Variants in P2RY6 observed in about 807,000 individuals in gnomAD.
P2RY6 encodes pyrimidinergic receptor P2Y6.
In P2RY6, 19 loss-of-function variants were observed where a neutral mutation model predicts 16.3. That is an observed-to-expected ratio of 1.16 (90% CI 0.81 to 1.71). The LOEUF is 1.71. Ranked by LOEUF, P2RY6 falls within the 40% of genes most tolerant of loss-of-function variation. The pLI is 0.00. For synonymous variants in P2RY6, 184 were observed against 201.5 expected, an observed-to-expected ratio of 0.91 and a Z score of 0.74; for missense variants, 389 against 455.5, an observed-to-expected ratio of 0.85 and a Z score of 1.33.
At chr11:73,275,480 G>A (rs1863499857) in intron 1 of P2RY6, among the ~76,000 whole-genome samples, 1 of 152,238 alleles carries the variant, frequency 6.6e-6, no homozygotes, top group African/African-American at 2.4e-5. Flanking sequence ...CATTGTCTAA[G>A]GGAGGAGAAA....
In P2RY6 at chr11:73,286,316, G is replaced by T. The variant is rs372759413; in HGVS notation, c.-120-9414G>T. The stretch of plus-strand genomic sequence containing the variant: ...GGGGCTGCCTTTCACGGGAGGGGAG[G>T]AGTTCCCTGAGGCTCCCCTTCCACA... On this transcript the variant is annotated intron_variant, in intron 1 of 2. Transcript: ENST00000540124. 3.9e-4 allele frequency among the ~76,000 whole-genome samples: 60 copies of T among 152,266 alleles called. 1 individual carries two copies. In the Middle Eastern group the frequency reaches 0.01, roughly 26 times the overall value.
chr11:73,280,913 AC>A (rs1863734171), intron 1 of P2RY6, among the ~76,000 whole-genome samples: 1 of 152,112 alleles, frequency 6.6e-6, no homozygotes, highest in South Asian at 2.1e-4. Flanking sequence ...ATGAAGTCAG[AC>A]TTTTGCTGAG....
rs1490625179 is a variant in P2RY6 at position 73,297,340 on chromosome 11, T to G, written c.822T>G (p.Thr274=). 124 of 1,612,230 alleles carry G rather than the reference T, an allele frequency of 7.7e-5. No homozygotes were observed. Among genetic ancestry groups the G allele is most frequent in the Admixed American group, 2.2e-4 (13 of 60,014 alleles). Residue 274 remains threonine (T), a synonymous_variant, in exon 3 of 3, where the codon ACT becomes ACG. Coordinates refer to ENST00000540124, the MANE Select transcript of P2RY6 (RefSeq NM_001277204.2). Reference sequence around the variant, plus strand: ...GCTCGACGCCGGGCGTCCCCTGCACTGTATTGGAGGCCTTTGCAGCGGCCT... The same window carrying G: ...GCTCGACGCCGGGCGTCCCCTGCACGGTATTGGAGGCCTTTGCAGCGGCCT... The part of the protein sequence containing the change: ...AVRSTPGVPC[T]VLEAFAAAYK...
upstream of P2RY6, among the ~76,000 whole-genome samples, chr11:73,269,250 C>T (rs1863206691): frequency 6.6e-6 from 1 of 152,144 alleles, no homozygotes; most frequent in Non-Finnish European, 1.5e-5. Context: ...GGGGTCAGTG[C>T]CCACAGGCAA....
In P2RY6 at chr11:73,280,992, A is replaced by G. The variant is rs986083148; in HGVS notation, c.-121+8526A>G. Among the ~76,000 whole-genome samples, 11 of 152,244 alleles carry G rather than the reference A, an allele frequency of 7.2e-5. No individual in the cohort carries two copies. The Middle Eastern group carries it at 0.014, about 188-fold the overall frequency. ...GAGATGGAAAACCAGAAAGCATGAG[A>G]AGGATGTGGTCTAGGTTGGGGGAGG... On this transcript the variant is annotated intron_variant, in intron 1 of 2. Transcript: ENST00000540124.
intron 1 of P2RY6, among the ~76,000 whole-genome samples, chr11:73,287,895 C>T (rs994913106): frequency 3.9e-5 from 6 of 152,348 alleles, no homozygotes; most frequent in Admixed American, 1.3e-4. Context: ...CTGGGCACCA[C>T]AGGCCGTCCC....
intron 1 of P2RY6, among the ~76,000 whole-genome samples, chr11:73,294,831 T>C (rs1443795430): frequency 9.2e-5 from 14 of 152,132 alleles, no homozygotes. Flanking sequence ...AACAATCTTA[T>C]AAGGCAGGTA....
At chr11:73,283,555 C>G (rs900304043) in intron 1 of P2RY6, among the ~76,000 whole-genome samples, 2 of 152,160 alleles carry the variant, frequency 1.3e-5, no homozygotes, top group Non-Finnish European at 2.9e-5. Flanking sequence ...GTTTTCTCCC[C>G]GAGGCCTGTG....
chr11:73,287,495 C>T (rs1864015264), intron 1 of P2RY6, among the ~76,000 whole-genome samples: 1 of 152,202 alleles, frequency 6.6e-6, no homozygotes, highest in African/African-American at 2.4e-5. Flanking sequence ...GCGTCGTCAT[C>T]ATAAGAGGGG....
chr11:73,272,997 A>G (rs1293964336), intron 1 of P2RY6, among the ~76,000 whole-genome samples: 1 of 151,800 alleles, frequency 6.6e-6, no homozygotes, highest in Non-Finnish European at 1.5e-5. Flanking sequence ...TGATCAAATA[A>G]TTGTCCACAG....
chr11:73,281,207 T>C (rs1282184564), intron 1 of P2RY6, among the ~76,000 whole-genome samples: 2 of 152,184 alleles, frequency 1.3e-5, no homozygotes, highest in Non-Finnish European at 2.9e-5. Context: ...CCAGTAACTA[T>C]GTCTGCTATA....
chr11:73,291,815 G>A (rs1011669244), intron 1 of P2RY6, among the ~76,000 whole-genome samples: 7 of 151,876 alleles, frequency 4.6e-5, no homozygotes, highest in East Asian at 1.9e-4. Flanking sequence ...ATATTCTACC[G>A]AGGAGGCTCA....
intron 1 of P2RY6, among the ~76,000 whole-genome samples, chr11:73,286,555 A>G (rs1863980968): frequency 6.6e-6 from 1 of 150,668 alleles, no homozygotes; most frequent in African/African-American, 2.4e-5. Context: ...CTTCTCTGTC[A>G]TCAGTCAAGA....
upstream of P2RY6, among the ~76,000 whole-genome samples, chr11:73,271,062 T>C (rs1360768924): frequency 6.6e-6 from 1 of 152,154 alleles, no homozygotes; most frequent in Non-Finnish European, 1.5e-5. Flanking sequence ...TGACCTCAAG[T>C]GCGTTGAACA....
At chr11:73,290,346 A>G (rs375447337) in intron 1 of P2RY6, among the ~76,000 whole-genome samples, 6 of 146,808 alleles carry the variant, frequency 4.1e-5, no homozygotes, top group Admixed American at 2.7e-4. Flanking sequence ...AAAGAAAGAA[A>G]GAAAGAAAGA....
At chr11:73,287,275 A>G (rs994810044) in intron 1 of P2RY6, among the ~76,000 whole-genome samples, 15 of 152,228 alleles carry the variant, frequency 9.9e-5, no homozygotes, top group African/African-American at 3.6e-4. Context: ...ATATTGTGGA[A>G]GACCTGTCTC....
Position 73,296,563 on chromosome 11 carries a change from C to T in P2RY6, c.45C>T (p.Pro15=). The stretch of plus-strand genomic sequence containing the variant: ...CAGGCCAGGCTCTGGGCTTGCCACC[C>T]ACCACCTGTGTCTACCGCGAGAACT... ...NGTGQALGLP[P]TTCVYRENFK... The change falls in exon 3 of 3, where the codon CCC becomes CCT. Residue 15 remains proline (P), a synonymous_variant. Transcript: ENST00000540124. 6.2e-7 allele frequency: 1 copy of T among 1,614,210 alleles called. No homozygotes were observed. The highest frequency in any genetic ancestry group is 8.5e-7 in the Non-Finnish European group (1 of 1,180,026).
At chr11:73,274,053 G>A (rs11235708) in intron 1 of P2RY6, among the ~76,000 whole-genome samples, 20,042 of 152,146 alleles carry the variant, frequency 0.13, 1,380 homozygotes, top group Non-Finnish European at 0.16. Context: ...GCCCAGGCTG[G>A]TCTCAAACTG....
At position 73,296,638 on chromosome 11, in the gene P2RY6, C is replaced by A. The variant is rs149749001; in HGVS notation, c.120C>A (p.Gly40=). Residue 40 remains glycine (G), a synonymous_variant, in exon 3 of 3, where the codon GGC becomes GGA. Transcript: ENST00000540124. ...PPVYSAVLAA[G]LPLNICVITQ... ...TGTATTCGGCGGTGCTGGCGGCTGG[C>A]CTGCCGCTGAACATCTGTGTCATTA... The A allele has an allele frequency of 4.0e-5, 64 of 1,614,190 alleles. No individual in the cohort carries two copies. In the African/African-American group the frequency reaches 7.7e-4, roughly 19 times the overall value.
Sources: allele counts gnomAD v4.1 joint callset (sites outside exome capture counted in the v4.1 genomes callset), GRCh38; gene constraint gnomAD v4.1.1; transcripts MANE v1.5; gene names NCBI Gene and HGNC (gene_info 2026-07-23, HGNC 2026-07-21).